Variants in CDH13 observed in about 807,000 individuals in gnomAD.
CDH13 encodes cadherin-13.
CDH13 carries 24 observed loss-of-function variants against 63.8 expected under a neutral mutation model. The ratio of observed to expected loss-of-function variants is 0.38; its 90% CI spans 0.27 to 0.53. CDH13 has a LOEUF of 0.53. Among genes scored for constraint, CDH13 ranks in the 20% least tolerant of loss-of-function variants. The pLI, the probability that CDH13 is intolerant of heterozygous loss-of-function variation, is 0.85. For missense variants in CDH13, 1,049 were observed against 903.1 expected (o/e 1.16, Z -2.07); for synonymous variants, 503 against 355.3 (o/e 1.42, Z -4.67).
intron 5 of CDH13, among the ~76,000 whole-genome samples, chr16:83,227,837 CA>C (rs2039887663): frequency 1.3e-5 from 2 of 152,180 alleles, no homozygotes; most frequent in South Asian, 4.1e-4. Flanking sequence ...CCGATTCATT[CA>C]AAGGACATTG....
At chr16:83,328,336 T>G (rs916310610) in intron 5 of CDH13, among the ~76,000 whole-genome samples, 64 of 152,266 alleles carry the variant, frequency 4.2e-4, no homozygotes, top group African/African-American at 1.5e-3. Context: ...AGCTTAGCTA[T>G]CTTGAAGAAC....
chr16:83,019,626 G>T (rs1915150826), intron 2 of CDH13, among the ~76,000 whole-genome samples: 1 of 150,928 alleles, frequency 6.6e-6, no homozygotes, highest in East Asian at 2.0e-4. Context: ...ATCCCGGTTA[G>T]TTGGGACCAC....
rs2042776225 is a variant in CDH13, at chr16:82,939,741, A to G, written c.157+81268A>G. On this transcript the variant is annotated intron_variant, in intron 2 of 13. Transcript: ENST00000567109. The stretch of plus-strand genomic sequence containing the variant: ...CACTAGCTGCAAAGGTTACCCTTAC[A>G]TCCTTGAATCTCTGGATTTTTTAAA... Among the ~76,000 whole-genome samples the G allele has an allele frequency of 3.3e-5, 5 of 152,288 alleles. No homozygotes were observed. The South Asian group carries it at 8.3e-4, about 25-fold the overall frequency.
intron 2 of CDH13, among the ~76,000 whole-genome samples, chr16:82,912,921 T>A (rs1315098021): frequency 6.7e-6 from 1 of 149,400 alleles, no homozygotes; most frequent in African/African-American, 2.5e-5. Context: ...CCAGCCTGGG[T>A]GACAGAGCGA....
chr16:82,817,598 G>GTT lies in CDH13; in HGVS notation c.46-40763_46-40762dup, dbSNP rs536341877. 7.0e-4 allele frequency among the ~76,000 whole-genome samples: 107 copies of GTT among 152,256 alleles called. 2 individuals carry two copies. In the East Asian group the frequency reaches 0.02, roughly 29 times the overall value. On this transcript the variant is annotated intron_variant, in intron 1 of 13. Transcript: ENST00000567109. ...GTGGGTGGATCACCTGAGGTCAGGA[G>GTT]TTCAAGACCAGCCTGGCCAAAATGA... is the stretch of plus-strand genomic sequence containing the variant.
chr16:83,555,999 G>T (rs1405879348), intron 7 of CDH13, among the ~76,000 whole-genome samples: 4 of 152,160 alleles, frequency 2.6e-5, no homozygotes, highest in Admixed American at 6.5e-5. Flanking sequence ...GTACCCAGAG[G>T]GTTTTAACTG....
intron 2 of CDH13, among the ~76,000 whole-genome samples, chr16:82,930,812 C>A (rs2042466651): frequency 6.6e-6 from 1 of 152,086 alleles, no homozygotes. Flanking sequence ...ATTAATAGCC[C>A]CCTCTGTCCA....
chr16:83,160,069 C>T (rs1367076385), intron 4 of CDH13, among the ~76,000 whole-genome samples: 1 of 151,864 alleles, frequency 6.6e-6, no homozygotes, highest in Non-Finnish European at 1.5e-5. Context: ...GAGCAAGACT[C>T]TGTCTCAAAA....
chr16:83,240,263 G>C (rs1904314293), intron 5 of CDH13, among the ~76,000 whole-genome samples: 1 of 152,154 alleles, frequency 6.6e-6, no homozygotes, highest in Admixed American at 6.5e-5. Context: ...CATGTGTAGG[G>C]AACGTAGGCC....
At chr16:83,022,441 A>G (rs945161674) in intron 2 of CDH13, among the ~76,000 whole-genome samples, 6 of 152,188 alleles carry the variant, frequency 3.9e-5, no homozygotes, top group Non-Finnish European at 8.8e-5. Context: ...GAGAGCTGGT[A>G]AAAATTTTAG....
At chr16:83,761,714 T>G (rs573079997) in intron 11 of CDH13, among the ~76,000 whole-genome samples, 22 of 152,330 alleles carry the variant, frequency 1.4e-4, no homozygotes, top group African/African-American at 1.2e-4. Context: ...AGGCGGAACT[T>G]AGCATATTTA....
chr16:83,226,702 A>G (rs1308572190), intron 5 of CDH13, among the ~76,000 whole-genome samples: 3 of 152,292 alleles, frequency 2.0e-5, no homozygotes, highest in Non-Finnish European at 4.4e-5. Context: ...CCTTAGACCC[A>G]TTTTGTCCAG....
chr16:83,047,693 A>C lies in CDH13; in HGVS notation c.366+15475A>C, dbSNP rs565160015. Among the ~76,000 whole-genome samples, 1 of 152,360 alleles carries C rather than the reference A, an allele frequency of 6.6e-6. No individual in the cohort carries two copies. Among genetic ancestry groups the C allele is most frequent in the African/African-American group, 2.4e-5 (1 of 41,584 alleles). On this transcript the variant is annotated intron_variant, in intron 3 of 13. Transcript: ENST00000567109. This position sits in a 1 kb window ranked among gnomAD's most constrained non-coding sequence, Gnocchi z 4.9. ...CACTTACAATATCTGGCTGTGAATA[A>C]ATAATTTCTTAATGACTTAGCAAAT...
chr16:82,684,233 T>C (rs919815), intron 1 of CDH13, among the ~76,000 whole-genome samples: 3,080 of 152,296 alleles, frequency 0.02, 45 homozygotes, highest in Middle Eastern at 0.044. Flanking sequence ...AGCTCAGATC[T>C]AGGATTCAGA....
intron 3 of CDH13, among the ~76,000 whole-genome samples, chr16:83,110,805 ACTT>A (rs1299130733): frequency 3.3e-5 from 5 of 151,986 alleles, no homozygotes; most frequent in Non-Finnish European, 5.9e-5. Flanking sequence ...ACAAGGGGCT[ACTT>A]CTTCACAGTG....
At chr16:83,546,658 A>G (rs886154154) in intron 7 of CDH13, among the ~76,000 whole-genome samples, 1 of 152,116 alleles carries the variant, frequency 6.6e-6, no homozygotes, top group Non-Finnish European at 1.5e-5. Flanking sequence ...TGGGTAGCGA[A>G]GTTTGGGGAG....
At chr16:82,686,353 C>T (rs1915068857) in intron 1 of CDH13, among the ~76,000 whole-genome samples, 2 of 152,202 alleles carry the variant, frequency 1.3e-5, no homozygotes, top group Non-Finnish European at 1.5e-5. Flanking sequence ...AGAACACAAT[C>T]ACCAGTTAGG....
chr16:82,655,474 G>A (rs1423818455), intron 1 of CDH13, among the ~76,000 whole-genome samples: 1 of 152,158 alleles, frequency 6.6e-6, no homozygotes, highest in Admixed American at 6.5e-5. Flanking sequence ...CCTAAAGCAG[G>A]AAATAGTGAG....
intron 2 of CDH13, among the ~76,000 whole-genome samples, chr16:82,977,801 G>A: frequency 6.6e-6 from 1 of 152,212 alleles, no homozygotes. Context: ...GGTAGGAACA[G>A]TTTGGAGGGC....
Sources: gnomAD v4.1 joint callset for allele counts (sites outside exome capture counted in the v4.1 genomes callset) on GRCh38, gnomAD v4.1.1 for gene constraint, Gnocchi (gnomAD v3.1) non-coding constraint, MANE v1.5 for transcripts, NCBI Gene and HGNC (gene_info 2026-07-23, HGNC 2026-07-21) for gene names.